WASF3: variants seen among roughly 807,000 people sequenced by gnomAD.
WASF3 encodes actin-binding protein WASF3.
In WASF3, 11 loss-of-function variants were observed where a neutral mutation model predicts 46.6. The observed-to-expected ratio is 0.24, with a 90% confidence interval of 0.15 to 0.39. The LOEUF is 0.39. WASF3 is among the 10% of genes least tolerant of loss of function. The probability of loss-of-function intolerance (pLI) is 1.00; values close to 1 mark genes in which losing one functional copy is unlikely to be tolerated. For synonymous variants in WASF3, 242 were observed against 259.7 expected, an observed-to-expected ratio of 0.93 and a Z score of 0.65; for missense variants, 576 against 669.8, an observed-to-expected ratio of 0.86 and a Z score of 1.55.
intron 3 of WASF3, among the ~76,000 whole-genome samples, chr13:26,644,636 G>A: frequency 6.6e-6 from 1 of 152,190 alleles, no homozygotes; most frequent in Non-Finnish European, 1.5e-5. Flanking sequence ...AGCTGGGTGA[G>A]TCAGATCCTT....
chr13:26,575,866 A>T (rs551007241), intron 1 of WASF3, among the ~76,000 whole-genome samples: 16 of 152,258 alleles, frequency 1.1e-4, no homozygotes, highest in African/African-American at 3.9e-4. Flanking sequence ...GGCCTCGAAG[A>T]TATCTTTCAT....
At chr13:26,610,854 T>C (rs1434892728) in intron 1 of WASF3, among the ~76,000 whole-genome samples, 1 of 152,174 alleles carries the variant, frequency 6.6e-6, no homozygotes, top group Non-Finnish European at 1.5e-5. Flanking sequence ...TCAAAGGAGT[T>C]ACTGATATGC....
chr13:26,624,234 GTCTA>G (rs1881397644), intron 2 of WASF3, among the ~76,000 whole-genome samples: 1 of 152,162 alleles, frequency 6.6e-6, no homozygotes, highest in African/African-American at 2.4e-5. Context: ...ATTGAGAAAA[GTCTA>G]TATCAACAGA....
At chr13:26,552,901 T>C (rs1879001016), upstream of WASF3, among the ~76,000 whole-genome samples, 1 of 152,174 alleles carries the variant, frequency 6.6e-6, no homozygotes. Context: ...AATACCTAAT[T>C]TATTAAGTGT....
At chr13:26,574,781 C>T (rs746702888) in intron 1 of WASF3, among the ~76,000 whole-genome samples, 3 of 150,696 alleles carry the variant, frequency 2.0e-5, no homozygotes, top group Non-Finnish European at 4.4e-5. Flanking sequence ...GAAGGTGGGA[C>T]TAAGTTTTTC....
At chr13:26,661,003 G>A (rs1882613112) in intron 3 of WASF3, among the ~76,000 whole-genome samples, 1 of 152,182 alleles carries the variant, frequency 6.6e-6, no homozygotes, top group Non-Finnish European at 1.5e-5. Flanking sequence ...CTTTTTAACA[G>A]CCAGCTCTCA....
At chr13:26,615,348 C>T (rs1335467107) in intron 2 of WASF3, among the ~76,000 whole-genome samples, 1 of 151,904 alleles carries the variant, frequency 6.6e-6, no homozygotes, top group Non-Finnish European at 1.5e-5. Flanking sequence ...CTCGCTCTGT[C>T]ACCAGGCTGG....
chr13:26,605,889 AATC>A (rs1880780625), intron 1 of WASF3, among the ~76,000 whole-genome samples: 1 of 152,154 alleles, frequency 6.6e-6, no homozygotes. Context: ...TTTGAACTTA[AATC>A]ATCTTGGTTT....
chr13:26,677,199 A>G (rs1350081532), intron 7 of WASF3, among the ~76,000 whole-genome samples: 10 of 152,188 alleles, frequency 6.6e-5, no homozygotes. Flanking sequence ...TTTACTTCTT[A>G]TTTCAGATAA....
chr13:26,611,920 T>G (rs556917947), intron 1 of WASF3, among the ~76,000 whole-genome samples: 52 of 151,950 alleles, frequency 3.4e-4, no homozygotes, highest in Admixed American at 6.6e-5. Context: ...ATAGAATTCA[T>G]GGGGGTCCAG....
intron 1 of WASF3, among the ~76,000 whole-genome samples, chr13:26,569,033 T>C (rs1175525907): frequency 1.3e-5 from 2 of 152,072 alleles, no homozygotes; most frequent in Admixed American, 6.6e-5. Flanking sequence ...GTTGAAAAAA[T>C]TGCTGCCGTT....
intron 1 of WASF3, among the ~76,000 whole-genome samples, chr13:26,579,973 A>T (rs1879929759): frequency 6.6e-6 from 1 of 151,962 alleles, no homozygotes; most frequent in Non-Finnish European, 1.5e-5. Context: ...AAATTTGTAA[A>T]TTTTCTTAGA....
chr13:26,647,656 C>CT (rs969238648), intron 3 of WASF3, among the ~76,000 whole-genome samples: 4 of 151,246 alleles, frequency 2.6e-5, no homozygotes, highest in South Asian at 4.2e-4. Flanking sequence ...GGTTTTGCTA[C>CT]TTTTTTTTTC....
Position 26,644,066 on chromosome 13 carries a change from G to A in WASF3, c.133+1663G>A, listed in dbSNP as rs1882079097. On this transcript the variant is annotated intron_variant, in intron 3 of 9. Transcript: ENST00000335327. ...CAAGGGTTCTTTAAATGGGAAAGGA[G>A]GGAGGTAGAAGAATCAGTGCCAGGG... 2.0e-5 allele frequency among the ~76,000 whole-genome samples: 3 copies of A among 152,192 alleles called. No individual in the cohort carries two copies. In the South Asian group the frequency reaches 6.2e-4, roughly 32 times the overall value.
Sources: gnomAD v4.1 joint callset for allele counts (sites outside exome capture counted in the v4.1 genomes callset) on GRCh38, gnomAD v4.1.1 for gene constraint, MANE v1.5 for transcripts, NCBI Gene and HGNC (gene_info 2026-07-23, HGNC 2026-07-21) for gene names.